Variants in SLC4A10 observed in about 807,000 individuals in gnomAD.
SLC4A10 encodes sodium-driven chloride bicarbonate exchanger.
In SLC4A10, 42 loss-of-function variants were observed where a neutral mutation model predicts 137.7. That is an observed-to-expected ratio of 0.30 (90% CI 0.24 to 0.39). The LOEUF is 0.39. Among genes scored for constraint, SLC4A10 ranks in the 10% least tolerant of loss-of-function variants. SLC4A10 has a pLI of 1.00. For synonymous variants in SLC4A10, 474 were observed against 464.1 expected, an observed-to-expected ratio of 1.02 and a Z score of -0.27; for missense variants, 925 against 1,355.0, an observed-to-expected ratio of 0.68 and a Z score of 4.98.
intron 1 of SLC4A10, among the ~76,000 whole-genome samples, chr2:161,726,553 CA>C (rs1166187372): frequency 1.3e-5 from 2 of 152,086 alleles, no homozygotes; most frequent in Non-Finnish European, 2.9e-5. Flanking sequence ...TTGGCAGTGG[CA>C]AAAGCTGAAA....
chr2:161,755,465 A>G (rs1401841361), intron 1 of SLC4A10, among the ~76,000 whole-genome samples: 2 of 152,118 alleles, frequency 1.3e-5, no homozygotes, highest in South Asian at 2.1e-4. Context: ...TATGGATCAT[A>G]GATTAGGTGA....
intron 3 of SLC4A10, among the ~76,000 whole-genome samples, chr2:161,826,407 A>C (rs2058023287): frequency 6.6e-6 from 1 of 152,176 alleles, no homozygotes; most frequent in Admixed American, 6.5e-5. Flanking sequence ...TTACATATTA[A>C]AATGGAAGTT....
Position 161,904,065 on chromosome 2 carries a change from A to C in SLC4A10, c.1504A>C (p.Arg502=). ...RKAPYFWSDF[R]DAFSLQCLAS... ...AGCTCCATACTTCTGGAGTGACTTC[A>C]GAGATGCTTTCAGCCTGCAGTGCTT... The change falls in exon 13 of 27, where the codon AGA becomes CGA. Residue 502 remains arginine, a synonymous_variant. Transcript: ENST00000446997. 6.2e-7 allele frequency: 1 copy of C among 1,601,102 alleles called. No homozygotes were observed. Among genetic ancestry groups the C allele is most frequent in the Non-Finnish European group, 8.5e-7 (1 of 1,172,958 alleles).
intron 1 of SLC4A10, among the ~76,000 whole-genome samples, chr2:161,674,045 A>C (rs879728790): frequency 6.6e-6 from 1 of 152,198 alleles, no homozygotes; most frequent in Non-Finnish European, 1.5e-5. Flanking sequence ...CCACATTTAA[A>C]AATAGGTAAG....
Position 161,692,896 on chromosome 2 carries a change from G to A in SLC4A10, c.48+68330G>A, listed in dbSNP as rs73003408. ...TGGAGAGGAGTTAGCAGCCTTAGCA[G>A]CCATGTATCGTAAATTGACAAATCT... On this transcript the variant is annotated intron_variant, in intron 1 of 26. Transcript: ENST00000446997. Among the ~76,000 whole-genome samples, 1,209 of 151,302 alleles carry A rather than the reference G, an allele frequency of 8.0e-3. 4 individuals are homozygous for A. The highest frequency in any genetic ancestry group is 0.017 in the Middle Eastern group (5 of 294).
At chr2:161,788,567 A>G (rs889606812) in intron 2 of SLC4A10, among the ~76,000 whole-genome samples, 11 of 151,812 alleles carry the variant, frequency 7.2e-5, no homozygotes, top group African/African-American at 2.2e-4. Flanking sequence ...TTCCTATCAC[A>G]CCTTTCTGTC....
At chr2:161,689,342 C>G (rs769254175) in intron 1 of SLC4A10, among the ~76,000 whole-genome samples, 10 of 152,160 alleles carry the variant, frequency 6.6e-5, no homozygotes, top group Non-Finnish European at 1.0e-4. Flanking sequence ...AGCAAGTGCT[C>G]TATATGGGTG....
chr2:161,698,566 A>G (rs1315773535), intron 1 of SLC4A10, among the ~76,000 whole-genome samples: 1 of 152,186 alleles, frequency 6.6e-6, no homozygotes, highest in Non-Finnish European at 1.5e-5. Context: ...TGAGATAACC[A>G]TGAGGTTTTT....
chr2:161,956,673 C>T (rs866444890), intron 19 of SLC4A10, among the ~76,000 whole-genome samples: 2 of 152,192 alleles, frequency 1.3e-5, no homozygotes, highest in South Asian at 2.1e-4. Context: ...AACAAAAAAC[C>T]GTGATTTCTA....
At chr2:161,815,020 A>G (rs577414312) in intron 3 of SLC4A10, among the ~76,000 whole-genome samples, 24 of 152,328 alleles carry the variant, frequency 1.6e-4, no homozygotes, top group African/African-American at 5.8e-4. Context: ...CTATTTTATA[A>G]CAAAAATAGT....
At chr2:161,812,293 C>T (rs1285425352) in intron 3 of SLC4A10, among the ~76,000 whole-genome samples, 1 of 152,002 alleles carries the variant, frequency 6.6e-6, no homozygotes, top group African/African-American at 2.4e-5. Flanking sequence ...GTTCCATTTA[C>T]TTTGATCTCT....
intron 1 of SLC4A10, among the ~76,000 whole-genome samples, chr2:161,744,807 T>G (rs1039179034): frequency 6.6e-6 from 1 of 151,488 alleles, no homozygotes; most frequent in African/African-American, 2.4e-5. Context: ...CATCTATGTC[T>G]TAAAAAGATA....
chr2:161,686,872 T>C (rs2041473109), intron 1 of SLC4A10, among the ~76,000 whole-genome samples: 1 of 151,482 alleles, frequency 6.6e-6, no homozygotes, highest in Non-Finnish European at 1.5e-5. Context: ...ATTTCTTTTT[T>C]CTTTTCTTTT....
At chr2:161,814,847 CAGT>C (rs1404072893) in intron 3 of SLC4A10, among the ~76,000 whole-genome samples, 2 of 152,064 alleles carry the variant, frequency 1.3e-5, no homozygotes, top group African/African-American at 4.8e-5. Flanking sequence ...GGGACAGGAT[CAGT>C]CATACCCCAA....
Position 161,819,501 on chromosome 2 carries a change from C to CTTTTTT in SLC4A10, c.277+14912_277+14917dup, listed in dbSNP as rs112848503. ...CAGTAACAAAGCTGCTAAAATTTCACTTTTTTTTTTTGAGACAGAGTCTCA... is the reference window on the plus strand; with the variant it reads ...CAGTAACAAAGCTGCTAAAATTTCACTTTTTTTTTTTTTTTTTGAGACAGAGTCTCA... On this transcript the variant is annotated intron_variant, in intron 3 of 26. Coordinates refer to ENST00000446997, the MANE Select transcript of SLC4A10 (RefSeq NM_001178015.2). Among the ~76,000 whole-genome samples the CTTTTTT allele has an allele frequency of 1.5e-3, 216 of 144,536 alleles. 3 individuals carry two copies. The highest frequency in any genetic ancestry group is 4.8e-3 in the African/African-American group (186 of 38,654). 94.8% of individuals were successfully genotyped at this position (144,536 alleles called of 152,430 possible).
intron 1 of SLC4A10, among the ~76,000 whole-genome samples, chr2:161,641,558 T>C (rs1033218013): frequency 1.3e-5 from 2 of 152,158 alleles, no homozygotes; most frequent in African/African-American, 4.8e-5. Context: ...GTAGCAGTTA[T>C]ACCATAGTAA....
In SLC4A10 at chr2:161,756,498, C is replaced by T. The variant is rs555981335; in HGVS notation, c.49-14475C>T. 3.9e-5 allele frequency among the ~76,000 whole-genome samples: 6 copies of T among 152,300 alleles called. No individual in the cohort carries two copies. The East Asian group carries it at 1.2e-3, about 29-fold the overall frequency. On this transcript the variant is annotated intron_variant, in intron 1 of 26. Coordinates refer to ENST00000446997, the MANE Select transcript of SLC4A10 (RefSeq NM_001178015.2). ...TAAAAGTAATTTCTTGCTCATACTACATTTTTAGGATGAGTCAGGACCACG... is the reference window on the plus strand; with the variant it reads ...TAAAAGTAATTTCTTGCTCATACTATATTTTTAGGATGAGTCAGGACCACG...
At chr2:161,928,392 G>A (rs1689634335) in intron 15 of SLC4A10, among the ~76,000 whole-genome samples, 1 of 102,450 alleles carries the variant, frequency 9.8e-6, no homozygotes, top group South Asian at 4.1e-4. Context: ...GGAGGGGGGA[G>A]GGATAGCTTT....
intron 1 of SLC4A10, among the ~76,000 whole-genome samples, chr2:161,667,417 A>C (rs1435142515): frequency 6.6e-6 from 1 of 151,694 alleles, no homozygotes; most frequent in Non-Finnish European, 1.5e-5. Context: ...ATTGCAATAA[A>C]GTATGATAAG....
Sources: allele counts gnomAD v4.1 joint callset (sites outside exome capture counted in the v4.1 genomes callset), GRCh38; gene constraint gnomAD v4.1.1; transcripts MANE v1.5; gene names NCBI Gene and HGNC (gene_info 2026-07-23, HGNC 2026-07-21).